The following KLHL8 variants were observed in gnomAD, a reference collection of about 807,000 sequenced individuals.
KLHL8 encodes kelch-like protein 8.
A neutral mutation model predicts 63.5 loss-of-function variants in KLHL8; 38 were observed. The ratio of observed to expected loss-of-function variants is 0.60; its 90% CI spans 0.46 to 0.78. The LOEUF (loss-of-function observed/expected upper bound fraction) is 0.78, where lower values mean the gene tolerates loss of function less well. KLHL8 is among the 30% of genes least tolerant of loss of function. The probability of loss-of-function intolerance (pLI) is 0.00; values close to 1 mark genes in which losing one functional copy is unlikely to be tolerated. For missense variants in KLHL8, 566 were observed against 752.4 expected (o/e 0.75, Z 2.90); for synonymous variants, 224 against 254.3 (o/e 0.88, Z 1.13).
At chr4:87,224,957 C>T (rs564693563), upstream of KLHL8, among the ~76,000 whole-genome samples, 47 of 151,572 alleles carry the variant, frequency 3.1e-4, 1 homozygote, top group African/African-American at 1.1e-3. Context: ...TGGTGGGGTG[C>T]GGGGATGGGG....
chr4:87,238,375 T>G lies in KLHL8; in HGVS notation n.57+1883A>C, dbSNP rs116206923. ...AAGCATTTAAGTCAGCACTGTGTAATAGAACTTTTTGTGATAATGAAAATG... is the reference window on the plus strand; with the variant it reads ...AAGCATTTAAGTCAGCACTGTGTAAGAGAACTTTTTGTGATAATGAAAATG... On this transcript the variant is annotated intron_variant and non_coding_transcript_variant, in intron 1 of 1. Transcript: ENST00000506274. Among the ~76,000 whole-genome samples, 1,376 of 152,360 alleles carry G rather than the reference T, an allele frequency of 9.0e-3. 16 individuals carry two copies. The highest frequency in any genetic ancestry group is 0.031 in the African/African-American group (1,306 of 41,576).
intron 2 of KLHL8, among the ~76,000 whole-genome samples, chr4:87,186,167 T>C (rs1466626042): frequency 6.6e-6 from 1 of 151,546 alleles, no homozygotes; most frequent in African/African-American, 2.4e-5. Context: ...GCCTACCAAG[T>C]AGTTGGGATT....
chr4:87,207,569 A>G, intron 1 of KLHL8: 2 of 1,158,518 alleles, frequency 1.7e-6, no homozygotes, highest in Non-Finnish European at 2.6e-6. Context: ...CCCCTGGCCA[A>G]TGTCATCCAT....
chr4:87,221,387 C>T (rs1483285735), upstream of KLHL8: 8 of 118,950 alleles, frequency 6.7e-5, no homozygotes, highest in African/African-American at 2.5e-4. Flanking sequence ...GAGCAAGACT[C>T]CGTCTAAAAA....
chr4:87,217,352 G>A (rs1732634720), intron 1 of KLHL8, among the ~76,000 whole-genome samples: 1 of 151,748 alleles, frequency 6.6e-6, no homozygotes, highest in Admixed American at 6.6e-5. Context: ...GGGGTGGGGG[G>A]AAATAGGGTC....
At position 87,195,333 on chromosome 4, in the gene KLHL8, G is replaced by T; in HGVS notation, c.207C>A (p.Val69=). The T allele has an allele frequency of 6.2e-7, 1 of 1,611,236 alleles. No homozygotes were observed. The highest frequency in any genetic ancestry group is 1.1e-5 in the South Asian group (1 of 90,928). ...RFYENGELCD[V]TLKVGSKLIS... ...AAAAAGGCAATCTCACCTTGAGTGT[G>T]ACATCACAGAGTTCTCCATTTTCAT... is the stretch of plus-strand genomic sequence containing the variant. Residue 69 remains valine (V), a synonymous_variant, in exon 2 of 10, where the codon GTC becomes GTA. Coordinates refer to ENST00000273963, the MANE Select transcript of KLHL8 (RefSeq NM_020803.5).
At chr4:87,230,781 C>T (rs1733122810) in intron 1 of KLHL8, among the ~76,000 whole-genome samples, 1 of 152,186 alleles carries the variant, frequency 6.6e-6, no homozygotes, top group African/African-American at 2.4e-5. Context: ...TCCTGCCCCT[C>T]ACTTTTTATC....
chr4:87,207,619 C>T lies in KLHL8; in HGVS notation c.-151-11929G>A. 4 of 1,230,980 alleles carry T rather than the reference C, an allele frequency of 3.2e-6. No individual in the cohort carries two copies. In the South Asian group the frequency reaches 3.6e-5, roughly 11 times the overall value. The allele number at this position is 1,230,980 out of a possible 1,614,324, so 76.3% of individuals were successfully genotyped here. On this transcript the variant is annotated intron_variant, in intron 1 of 9. Transcript: ENST00000273963. ...CGTGGAAGGACTCATGACTACAGTC[C>T]ATGCCATCACTGCCACCCAGAAGAC...
intron 2 of KLHL8, among the ~76,000 whole-genome samples, chr4:87,186,935 A>G (rs371904800): frequency 2.6e-5 from 4 of 151,620 alleles, no homozygotes; most frequent in South Asian, 2.1e-4. Flanking sequence ...TTTATTTTCT[A>G]TTTACATTAT....
At chr4:87,217,320 C>G (rs191034735) in intron 1 of KLHL8, among the ~76,000 whole-genome samples, 23 of 150,946 alleles carry the variant, frequency 1.5e-4, no homozygotes, top group Admixed American at 3.3e-4. Context: ...CATTTATCCT[C>G]CCTCATCTCT....
intron 1 of KLHL8, among the ~76,000 whole-genome samples, chr4:87,209,541 G>A (rs1732302869): frequency 6.6e-6 from 1 of 152,168 alleles, no homozygotes; most frequent in South Asian, 2.1e-4. Flanking sequence ...ATTTTTATAA[G>A]TAAACATTAT....
intron 1 of KLHL8, among the ~76,000 whole-genome samples, chr4:87,212,161 C>T (rs979029795): frequency 1.3e-5 from 2 of 152,166 alleles, no homozygotes; most frequent in Non-Finnish European, 2.9e-5. Flanking sequence ...TCTCACACTG[C>T]TGTTCATATA....
chr4:87,218,242 C>CT (rs538856327), intron 1 of KLHL8, among the ~76,000 whole-genome samples: 46,040 of 145,352 alleles, frequency 0.32, 7,655 homozygotes, highest in African/African-American at 0.45. Flanking sequence ...ATTTACCCAA[C>CT]TTTTTTTTTT....
intron 1 of KLHL8, among the ~76,000 whole-genome samples, chr4:87,238,162 G>A (rs762789621): frequency 7.9e-5 from 12 of 152,080 alleles, no homozygotes; most frequent in Admixed American, 4.6e-4. Context: ...TCTCAAACTC[G>A]TGATCTCATG....
intron 9 of KLHL8, 60 bp from the exon 10 acceptor site, chr4:87,163,702 A>G: frequency 6.3e-7 from 1 of 1,598,704 alleles, no homozygotes; most frequent in Non-Finnish European, 8.5e-7. Context: ...CAAAATACTA[A>G]CCAAAGACAA....
At chr4:87,181,403 C>T (rs1336823681) in intron 4 of KLHL8, among the ~76,000 whole-genome samples, 2 of 151,504 alleles carry the variant, frequency 1.3e-5, no homozygotes, top group African/African-American at 4.8e-5. Context: ...GAGACTCAGT[C>T]TCAAAAAAAA....
At chr4:87,228,402 G>T (rs1228010303) in intron 1 of KLHL8, among the ~76,000 whole-genome samples, 1 of 152,146 alleles carries the variant, frequency 6.6e-6, no homozygotes, top group African/African-American at 2.4e-5. Flanking sequence ...CAGGGACTAT[G>T]CCCTTAACCT....
intron 1 of KLHL8, among the ~76,000 whole-genome samples, chr4:87,213,090 G>A (rs954712534): frequency 9.2e-5 from 14 of 152,022 alleles, no homozygotes; most frequent in African/African-American, 3.4e-4. Context: ...GTTTATTTTG[G>A]GATCTGTTTT....
intron 3 of KLHL8, 35 bp from the exon 4 acceptor site, chr4:87,183,424 T>G: frequency 6.9e-7 from 1 of 1,444,328 alleles, no homozygotes; most frequent in East Asian, 2.5e-5. Context: ...CAACAAATTT[T>G]ATATTTTCTT....
Sources: allele counts gnomAD v4.1 joint callset (sites outside exome capture counted in the v4.1 genomes callset), GRCh38; gene constraint gnomAD v4.1.1; transcripts MANE v1.5; gene names NCBI Gene and HGNC (gene_info 2026-07-23, HGNC 2026-07-21).